Variants in ACOT11 observed in about 807,000 individuals in gnomAD.
The protein encoded by ACOT11 is acyl-CoA thioesterase 11.
Under a neutral mutation model 77.5 loss-of-function variants are expected in ACOT11, and 69 were observed. The observed-to-expected ratio is 0.89, with a 90% CI of 0.73 to 1.09. The LOEUF (loss-of-function observed/expected upper bound fraction) is 1.09, where lower values mean the gene tolerates loss of function less well. Ranked by LOEUF, ACOT11 falls within the 50% of genes least tolerant of loss-of-function variation. ACOT11 has a pLI of 0.00. For missense variants in ACOT11, 766 were observed against 813.7 expected (o/e 0.94, Z 0.71); for synonymous variants, 279 against 313.0 (o/e 0.89, Z 1.15).
Position 54,609,679 on chromosome 1 carries a change from G to T in ACOT11, c.*567G>T, listed in dbSNP as rs138880093. The T allele has an allele frequency of 4.3e-5, 70 of 1,614,010 alleles. 2 individuals are homozygous for T. In the South Asian group the frequency reaches 7.7e-4, roughly 18 times the overall value. ...CATGGCCGGGGACCGAAAAACTCCC[G>T]TGGGAGATTTTGGCCCCAACCCACA... On this transcript the variant is annotated 3_prime_UTR_variant, in exon 16 of 16. Coordinates refer to ENST00000343744, the MANE Select transcript of ACOT11 (RefSeq NM_147161.4).
downstream of ACOT11, among the ~76,000 whole-genome samples, chr1:54,614,115 G>A (rs1644146333): frequency 6.6e-6 from 1 of 152,180 alleles, no homozygotes; most frequent in Admixed American, 6.6e-5. Context: ...CTGCAATATG[G>A]GGAGAAAGCC....
intron 9 of ACOT11, among the ~76,000 whole-genome samples, chr1:54,602,038 G>A (rs1284992112): frequency 1.3e-5 from 2 of 152,262 alleles, no homozygotes; most frequent in Non-Finnish European, 2.9e-5. Flanking sequence ...CCAGAGGGTA[G>A]CGTGGGCTGT....
chr1:54,610,367 C>T (rs758034352), downstream of ACOT11: 2 of 1,600,458 alleles, frequency 1.2e-6, no homozygotes, highest in Non-Finnish European at 1.7e-6. Context: ...AAAGGACACC[C>T]CTGCAGATGA....
chr1:54,600,117 G>A (rs779393169), intron 8 of ACOT11, among the ~76,000 whole-genome samples: 11 of 152,250 alleles, frequency 7.2e-5, no homozygotes, highest in Admixed American at 2.0e-4. Flanking sequence ...GAAAATGTCC[G>A]GTAAAGGTCA....
intron 13 of ACOT11, among the ~76,000 whole-genome samples, chr1:54,605,413 G>C (rs1340066875): frequency 2.6e-5 from 4 of 152,156 alleles, no homozygotes; most frequent in Non-Finnish European, 5.9e-5. Context: ...AGAGCTGGAG[G>C]CTTGAGTTGA....
downstream of ACOT11, chr1:54,614,774 C>T: frequency 6.2e-7 from 1 of 1,614,126 alleles, no homozygotes; most frequent in South Asian, 1.1e-5. Context: ...ATATGGGCCG[C>T]CGGACTTTGC....
intron 1 of ACOT11, among the ~76,000 whole-genome samples, chr1:54,552,931 G>C (rs147662086): frequency 6.6e-6 from 1 of 151,114 alleles, no homozygotes; most frequent in Non-Finnish European, 1.5e-5. Context: ...AGGTTCAAGC[G>C]ATTCTCCTGC....
chr1:54,630,808 G>C lies in ACOT11; in HGVS notation c.1704G>C (p.Arg568Ser), dbSNP rs115647798. 3.2e-3 allele frequency: 2,501 copies of C among 770,386 alleles called. 48 individuals are homozygous for C. In the African/African-American group the frequency reaches 0.036, roughly 11 times the overall value. 47.7% of individuals were successfully genotyped at this position (770,386 alleles called of 1,614,324 possible). A position where few individuals can be genotyped will look rare whatever the true frequency, so the allele number is the denominator to read the frequency against. Residue 568 changes from arginine to serine, a missense_variant, in exon 16 of 17, where the codon AGG (arginine) becomes AGC (serine). Arg to Ser is a moderately radical substitution (Grantham distance 110). Coordinates refer to the ACOT11 transcript ENST00000371316. ...TCTATTCCTGGGGGCTCGAATCCAG[G>C]TCAAAGGGTCGCAGGAGCGACGGTT...
At chr1:54,622,700 T>C (rs945153470) in intron 15 of ACOT11, among the ~76,000 whole-genome samples, 1 of 151,898 alleles carries the variant, frequency 6.6e-6, no homozygotes. Context: ...GATTGCACCA[T>C]TGCACTCCAG....
chr1:54,607,987 C>G lies in ACOT11; in HGVS notation c.1548C>G (p.His516Gln). Residue 516 changes from histidine to glutamine, a missense_variant, in exon 15 of 16, where the codon CAC becomes CAG. Physicochemically the swap from His to Gln is conservative, Grantham distance 24. Coordinates refer to ENST00000343744, the MANE Select transcript of ACOT11 (RefSeq NM_147161.4). This position sits in a 1 kb window ranked among gnomAD's most constrained non-coding sequence, Gnocchi z 4.5. ...IALRSVTLPT[H>Q]RETPEYRRGE... ...TGAGGTCGGTCACGCTGCCCACACA[C>G]CGAGAGACGCCAGAGTACAGACGCG... 1 of 1,613,952 alleles carries G rather than the reference C, an allele frequency of 6.2e-7. No individual in the cohort carries two copies. Among genetic ancestry groups the G allele is most frequent in the Non-Finnish European group, 8.5e-7 (1 of 1,180,002 alleles).
At chr1:54,623,318 G>T (rs373068281) in intron 15 of ACOT11, 91 of 1,613,948 alleles carry the variant, frequency 5.6e-5, no homozygotes, top group Non-Finnish European at 7.6e-5. Context: ...TTGCGGCAAT[G>T]ACCACCACAG....
At chr1:54,554,290 AGTGTGTGTGTGTGTGTGT>A (rs67577349) in intron 1 of ACOT11, among the ~76,000 whole-genome samples, 12 of 108,402 alleles carry the variant, frequency 1.1e-4, no homozygotes, top group Admixed American at 2.3e-4. Context: ...AGTATTCCAT[AGTGTGTGTGTGTGTGTGT>A]GTGTGTGTGT....
At chr1:54,560,843 T>C (rs1653448625) in intron 1 of ACOT11, among the ~76,000 whole-genome samples, 1 of 152,262 alleles carries the variant, frequency 6.6e-6, no homozygotes, top group South Asian at 2.1e-4. Flanking sequence ...TTCGTCAGCC[T>C]CCTGAGTAGC....
At chr1:54,620,642 C>T (rs1404467328) in intron 15 of ACOT11, among the ~76,000 whole-genome samples, 1 of 143,878 alleles carries the variant, frequency 7.0e-6, no homozygotes, top group East Asian at 2.0e-4. Flanking sequence ...ATTAGGAGTT[C>T]GAGACCAGCC....
chr1:54,615,362 A>T (rs1448991599), intron 15 of ACOT11, among the ~76,000 whole-genome samples: 1 of 152,180 alleles, frequency 6.6e-6, no homozygotes, highest in Non-Finnish European at 1.5e-5. Context: ...CCAGGCCAAG[A>T]TCACACTTTT....
At position 54,607,886 on chromosome 1, in the gene ACOT11, C is replaced by T; in HGVS notation, c.1503-56C>T. On this transcript the variant is annotated intron_variant, in intron 14 of 15. Transcript: ENST00000343744. This position sits in a 1 kb window ranked among gnomAD's most constrained non-coding sequence, Gnocchi z 4.5. The stretch of plus-strand genomic sequence containing the variant: ...CTCGGCCTTGGTTGGGCAGAACAGG[C>T]CCCCACTTTCTTCTGTGGCTGACCC... 1 of 1,607,122 alleles carries T rather than the reference C, an allele frequency of 6.2e-7. No individual in the cohort carries two copies. The highest frequency in any genetic ancestry group is 8.5e-7 in the Non-Finnish European group (1 of 1,175,908).
chr1:54,593,216 G>T (rs1654773394), intron 4 of ACOT11, among the ~76,000 whole-genome samples: 1 of 152,144 alleles, frequency 6.6e-6, no homozygotes, highest in African/African-American at 2.4e-5. Context: ...CCCTGACTAT[G>T]CCTCTGGGCA....
chr1:54,594,789 C>T (rs1015069605), intron 6 of ACOT11, 98 bp downstream of exon 6: 15 of 1,487,796 alleles, frequency 1.0e-5, no homozygotes, highest in Admixed American at 2.2e-5. Context: ...AGGGAGGCTC[C>T]GGGGACTTCC....
At chr1:54,603,814 C>T in intron 10 of ACOT11, 57 bp from the exon 11 acceptor site, 1 of 1,521,950 alleles carries the variant, frequency 6.6e-7, no homozygotes, top group East Asian at 2.3e-5. Flanking sequence ...GCAGTAGAGT[C>T]TGTGGAAAGT....
Sources: allele counts gnomAD v4.1 joint callset (sites outside exome capture counted in the v4.1 genomes callset), GRCh38; gene constraint gnomAD v4.1.1; non-coding constraint Gnocchi (gnomAD v3.1); transcripts MANE v1.5; gene names NCBI Gene and HGNC (gene_info 2026-07-23, HGNC 2026-07-21).